The following TJP2 variants were observed in gnomAD, a reference collection of about 807,000 sequenced individuals.
The protein encoded by TJP2 is Friedreich ataxia region gene X104 (tight junction protein ZO-2).
A neutral mutation model predicts 133.1 loss-of-function variants in TJP2; 91 were observed. The ratio of observed to expected loss-of-function variants is 0.68; its 90% CI spans 0.58 to 0.81. The LOEUF (loss-of-function observed/expected upper bound fraction) is 0.81, where lower values mean the gene tolerates loss of function less well. Ranked by LOEUF, TJP2 falls within the 40% of genes least tolerant of loss-of-function variation. TJP2 has a pLI of 0.00. For synonymous variants in TJP2, 592 were observed against 583.4 expected (o/e 1.01, Z -0.21); for missense variants, 1,541 against 1,565.6 (o/e 0.98, Z 0.26).
At chr9:69,218,118 G>C (rs1828532727) in intron 3 of TJP2, 139 bp from the exon 4 acceptor site, 2 of 692,354 alleles carry the variant, frequency 2.9e-6, no homozygotes, top group Admixed American at 4.6e-5. Context: ...CAAGTTGACT[G>C]GGCCTTGGGC....
At chr9:69,200,151 C>T (rs750746625) in intron 1 of TJP2, among the ~76,000 whole-genome samples, 1 of 152,176 alleles carries the variant, frequency 6.6e-6, no homozygotes, top group African/African-American at 2.4e-5. Context: ...GTTTACTGCC[C>T]GGCCGCACTG....
chr9:69,237,042 G>A lies in TJP2; in HGVS notation c.2085G>A (p.Val695=), dbSNP rs769116202. 6.2e-7 allele frequency: 1 copy of A among 1,614,182 alleles called. No individual in the cohort carries two copies. Among genetic ancestry groups the A allele is most frequent in the Non-Finnish European group, 8.5e-7 (1 of 1,180,038 alleles). The change falls in exon 14 of 23, where the codon GTG becomes GTA. Residue 695 remains valine (V), a synonymous_variant. Transcript: ENST00000377245. ...GAATGCGTGGCCAGAGGTCTGGGGT[G>A]AAGAAGAACCTGAGGAAAAGTCGGG... ...FWRMRGQRSG[V]KKNLRKSRED... is the part of the protein sequence containing the mutation.
At position 69,212,520 on chromosome 9, in the gene TJP2, T is replaced by C. The variant is rs762667768; in HGVS notation, c.61-28T>C. On this transcript the variant is annotated intron_variant, in intron 1 of 22. Transcript: ENST00000377245. ...AGCATTGAAAAGGTTGTGGTTTTCA[T>C]CAGATTGGTTTTGTTCTTTTAAAAC... 2.5e-6 allele frequency: 4 copies of C among 1,581,350 alleles called. No individual in the cohort carries two copies. In the East Asian group the frequency reaches 6.7e-5, roughly 27 times the overall value.
At chr9:69,233,872 C>A (rs1178757945) in intron 11 of TJP2, among the ~76,000 whole-genome samples, 4 of 152,136 alleles carry the variant, frequency 2.6e-5, no homozygotes, top group Admixed American at 1.3e-4. Context: ...GGCTGATGCT[C>A]TTTAATTTGA....
intron 1 of TJP2, among the ~76,000 whole-genome samples, chr9:69,193,292 C>CA (rs1826330102): frequency 6.6e-6 from 1 of 152,020 alleles, no homozygotes; most frequent in South Asian, 2.1e-4. Context: ...AGGGAACCGG[C>CA]AGTCTCTCCC....
chr9:69,231,626 C>T (rs767775968), intron 11 of TJP2, among the ~76,000 whole-genome samples: 8 of 151,252 alleles, frequency 5.3e-5, no homozygotes, highest in Non-Finnish European at 1.0e-4. Context: ...TTCTTGGCCC[C>T]GTTGCAGTAT....
At chr9:69,154,140 AG>A (rs1823620811) in intron 2 of TJP2, among the ~76,000 whole-genome samples, 1 of 152,240 alleles carries the variant, frequency 6.6e-6, no homozygotes, top group Non-Finnish European at 1.5e-5. Context: ...CTGACTTCCA[AG>A]TTCAGTGAGA....
chr9:69,232,604 T>G (rs1425532789), intron 11 of TJP2, among the ~76,000 whole-genome samples: 1 of 152,216 alleles, frequency 6.6e-6, no homozygotes, highest in African/African-American at 2.4e-5. Flanking sequence ...TGTGGCTCTT[T>G]GTTTTGCAAA....
At chr9:69,184,735 TTCTC>T (rs756568029) in intron 1 of TJP2, among the ~76,000 whole-genome samples, 1 of 150,932 alleles carries the variant, frequency 6.6e-6, no homozygotes, top group Non-Finnish European at 1.5e-5. Flanking sequence ...TCAGACTGAT[TTCTC>T]TCTCTCTCTC....
At chr9:69,223,249 T>C (rs183723458) in intron 5 of TJP2, among the ~76,000 whole-genome samples, 27 of 152,282 alleles carry the variant, frequency 1.8e-4, no homozygotes, top group African/African-American at 6.5e-4. Context: ...TTCTTTTACG[T>C]AGTCCTCACA....
At chr9:69,247,399 G>C (rs1831004622) in intron 18 of TJP2, among the ~76,000 whole-genome samples, 1 of 152,300 alleles carries the variant, frequency 6.6e-6, no homozygotes, top group South Asian at 2.1e-4. Flanking sequence ...GAAGCTTTTG[G>C]TGTTAGTATC....
chr9:69,146,732 A>AT (rs985680963), intron 1 of TJP2, among the ~76,000 whole-genome samples: 4 of 145,830 alleles, frequency 2.7e-5, no homozygotes, highest in Non-Finnish European at 6.1e-5. Context: ...TGTCTGGGGC[A>AT]TTTTTTTTGT....
intron 19 of TJP2, chr9:69,248,522 C>T: frequency 3.1e-6 from 4 of 1,291,338 alleles, no homozygotes; most frequent in Non-Finnish European, 3.9e-6. Context: ...ACCAGCGGAA[C>T]CTTCCTTCCC....
chr9:69,222,434 G>A (rs1828957633), intron 5 of TJP2, among the ~76,000 whole-genome samples: 1 of 152,108 alleles, frequency 6.6e-6, no homozygotes, highest in African/African-American at 2.4e-5. Context: ...CCAAAGTGCT[G>A]GGATTACAGG....
chr9:69,148,541 T>G (rs1234234762), intron 1 of TJP2, among the ~76,000 whole-genome samples: 1 of 151,958 alleles, frequency 6.6e-6, no homozygotes, highest in Non-Finnish European at 1.5e-5. Context: ...TAGCTATTTT[T>G]GTATTCTCAG....
chr9:69,203,181 TA>T (rs1348579642), intron 1 of TJP2, among the ~76,000 whole-genome samples: 2 of 132,412 alleles, frequency 1.5e-5, no homozygotes, highest in African/African-American at 5.3e-5. Flanking sequence ...CACCTGGAGC[TA>T]GTGAGCCAGC....
chr9:69,169,381 G>T (rs1347010425), upstream of TJP2, among the ~76,000 whole-genome samples: 9 of 138,490 alleles, frequency 6.5e-5, no homozygotes, highest in African/African-American at 2.4e-4. Context: ...GGGGGGGGAT[G>T]GAGTTTCACT....
intron 1 of TJP2, among the ~76,000 whole-genome samples, chr9:69,138,900 C>G (rs143654021): frequency 0.022 from 2,927 of 132,220 alleles, 97 homozygotes; most frequent in African/African-American, 0.077. Flanking sequence ...CTGGGTGACA[C>G]AGTGAGATTC....
chr9:69,229,827 A>T (rs1042361435), intron 10 of TJP2, among the ~76,000 whole-genome samples: 2 of 152,178 alleles, frequency 1.3e-5, no homozygotes, highest in African/African-American at 4.8e-5. Context: ...TTGCTTTCTC[A>T]TCTTGAAAGA....
Sources: gnomAD v4.1 joint callset for allele counts (sites outside exome capture counted in the v4.1 genomes callset) on GRCh38, gnomAD v4.1.1 for gene constraint, MANE v1.5 for transcripts, NCBI Gene and HGNC (gene_info 2026-07-23, HGNC 2026-07-21) for gene names.